The following KLF12 variants were observed in gnomAD, a reference collection of about 807,000 sequenced individuals.
The protein encoded by KLF12 is KLF transcription factor 12, also known as Krueppel-like factor 12.
A neutral mutation model predicts 37.8 loss-of-function variants in KLF12; 9 were observed. The ratio of observed to expected loss-of-function variants is 0.24; its 90% CI spans 0.14 to 0.42. The LOEUF (loss-of-function observed/expected upper bound fraction) is 0.42, where lower values mean the gene tolerates loss of function less well. KLF12 is among the 10% of genes least tolerant of loss of function. The probability of loss-of-function intolerance (pLI) is 1.00; values close to 1 mark genes in which losing one functional copy is unlikely to be tolerated. For missense variants in KLF12, 411 were observed against 516.0 expected (o/e 0.80, Z 1.97); for synonymous variants, 208 against 202.1 (o/e 1.03, Z -0.25).
rs190313240 is a variant in KLF12, at chr13:74,114,450, A to G, written c.-32+19289T>C. On this transcript the variant is annotated intron_variant, in intron 1 of 7. Coordinates refer to ENST00000377669, the MANE Select transcript of KLF12 (RefSeq NM_007249.5). ...TTCTAGTGACTTGCTTTATTGAGATATTTGCTTTATTGTAGTGGTCTAGAA... is the reference window on the plus strand; with the variant it reads ...TTCTAGTGACTTGCTTTATTGAGATGTTTGCTTTATTGTAGTGGTCTAGAA... 2.0e-5 allele frequency among the ~76,000 whole-genome samples: 3 copies of G among 152,222 alleles called. No homozygotes were observed. The East Asian group carries it at 5.8e-4, about 29-fold the overall frequency.
At chr13:73,956,914 C>T (rs1394747887) in intron 2 of KLF12, among the ~76,000 whole-genome samples, 1 of 148,782 alleles carries the variant, frequency 6.7e-6, no homozygotes, top group Non-Finnish European at 1.5e-5. Context: ...AGAGTAAGGC[C>T]CTGTGAAAGA....
At chr13:74,098,093 CATT>C (rs1262336005) in intron 1 of KLF12, among the ~76,000 whole-genome samples, 8 of 152,108 alleles carry the variant, frequency 5.3e-5, no homozygotes, top group Non-Finnish European at 1.2e-4. Flanking sequence ...CCTTCTGTAT[CATT>C]AACCTTCTCA....
chr13:74,022,530 T>TCTGCCACATGGCATTTTTCAAATTTTGG (rs1892866974), intron 1 of KLF12, among the ~76,000 whole-genome samples: 1 of 152,226 alleles, frequency 6.6e-6, no homozygotes. Context: ...TCAAATTTTT[T>TCTGCCACATGGCATTTTTCAAATTTTGG]CCTCTCACTG....
At chr13:74,285,093 A>G in the KLF12 span, among the ~76,000 whole-genome samples, 1 of 152,126 alleles carries the variant, frequency 6.6e-6, no homozygotes, top group Admixed American at 6.5e-5. Flanking sequence ...CATAGGGCAC[A>G]TGGTTTTTCT....
intron 1 of KLF12, among the ~76,000 whole-genome samples, chr13:74,105,189 C>T (rs1050905341): frequency 1.3e-5 from 2 of 152,034 alleles, no homozygotes; most frequent in Non-Finnish European, 2.9e-5. Context: ...GCAGACATGA[C>T]GGTCTATAAG....
chr13:73,850,563 C>T (rs1030839479), intron 3 of KLF12, among the ~76,000 whole-genome samples: 4 of 152,178 alleles, frequency 2.6e-5, no homozygotes, highest in Non-Finnish European at 5.9e-5. Flanking sequence ...TGTCCGGATA[C>T]TACTCTATCT....
intron 6 of KLF12, among the ~76,000 whole-genome samples, chr13:73,738,321 T>C (rs1877683037): frequency 6.6e-6 from 1 of 150,848 alleles, no homozygotes. Context: ...ATTTTTTTTT[T>C]TTTTGTATTT....
rs377374583 is a variant in KLF12, at chr13:73,989,508, C to T, written c.33+5482G>A. Among the ~76,000 whole-genome samples the T allele has an allele frequency of 4.6e-4, 70 of 152,292 alleles. 1 individual carries two copies. The highest frequency in any genetic ancestry group is 1.6e-3 in the African/African-American group (66 of 41,570). ...GCTCCCTCATGAAGGGGTTCATGCGCTCCCTCATGACGTGGCAGAAGGAAG... is the reference window on the plus strand; with the variant it reads ...GCTCCCTCATGAAGGGGTTCATGCGTTCCCTCATGACGTGGCAGAAGGAAG... On this transcript the variant is annotated intron_variant, in intron 2 of 7. Coordinates refer to ENST00000377669, the MANE Select transcript of KLF12 (RefSeq NM_007249.5).
At chr13:74,150,047 A>G in the KLF12 span, among the ~76,000 whole-genome samples, 3 of 152,160 alleles carry the variant, frequency 2.0e-5, no homozygotes, top group African/African-American at 7.2e-5. Context: ...CTCTCTGTAC[A>G]TTAACATGAG....
chr13:73,888,398 T>C (rs1041343480), intron 3 of KLF12, among the ~76,000 whole-genome samples: 2 of 152,246 alleles, frequency 1.3e-5, no homozygotes, highest in Non-Finnish European at 2.9e-5. Context: ...AGCTAAGTCA[T>C]TAAGACTGTG....
At chr13:73,910,305 T>C (rs984863441) in intron 3 of KLF12, among the ~76,000 whole-genome samples, 7 of 152,178 alleles carry the variant, frequency 4.6e-5, no homozygotes, top group African/African-American at 1.2e-4. Context: ...TAATATTTGA[T>C]AGAACTAAAA....
intron 5 of KLF12, among the ~76,000 whole-genome samples, chr13:73,772,264 C>G (rs1880317981): frequency 6.6e-6 from 1 of 152,168 alleles, no homozygotes; most frequent in Admixed American, 6.5e-5. Context: ...TAAGTGTGTT[C>G]CAGGCTCCTA....
At chr13:73,976,774 A>T (rs577681853) in intron 2 of KLF12, among the ~76,000 whole-genome samples, 11 of 152,304 alleles carry the variant, frequency 7.2e-5, no homozygotes, top group African/African-American at 2.6e-4. Context: ...GAGGATCACT[A>T]AGCAATGAGA....
chr13:74,069,139 T>A (rs1450517372), intron 1 of KLF12, among the ~76,000 whole-genome samples: 1 of 152,186 alleles, frequency 6.6e-6, no homozygotes, highest in East Asian at 1.9e-4. Context: ...AGGTGACCCC[T>A]GAATTACACA....
chr13:74,108,319 C>G (rs888948086), intron 1 of KLF12, among the ~76,000 whole-genome samples: 2 of 152,000 alleles, frequency 1.3e-5, no homozygotes, highest in African/African-American at 4.8e-5. Flanking sequence ...CCACTTCATT[C>G]TCACTCCAAT....
the KLF12 span, among the ~76,000 whole-genome samples, chr13:74,240,199 A>T: frequency 6.6e-6 from 1 of 151,314 alleles, no homozygotes; most frequent in Non-Finnish European, 1.5e-5. Flanking sequence ...TCCTTCACTT[A>T]TGAAGCTTAG....
chr13:74,133,437 TTGA>T (rs1247788494), intron 1 of KLF12, among the ~76,000 whole-genome samples: 4 of 151,108 alleles, frequency 2.6e-5, no homozygotes, highest in Non-Finnish European at 5.9e-5. Flanking sequence ...TTCACGTTAC[TTGA>T]TAACTTCTTC....
intron 3 of KLF12, among the ~76,000 whole-genome samples, chr13:73,896,438 A>G (rs1159343809): frequency 2.6e-5 from 4 of 152,184 alleles, no homozygotes; most frequent in Non-Finnish European, 1.5e-5. Flanking sequence ...ACGCATTCTG[A>G]GGATGATGGA....
the KLF12 span, among the ~76,000 whole-genome samples, chr13:74,219,078 T>A: frequency 6.6e-6 from 1 of 151,396 alleles, no homozygotes; most frequent in Non-Finnish European, 1.5e-5. Flanking sequence ...TGCCTCAGCC[T>A]CCCAAGTAGC....
Sources: gnomAD v4.1 joint callset for allele counts (sites outside exome capture counted in the v4.1 genomes callset) on GRCh38, gnomAD v4.1.1 for gene constraint, MANE v1.5 for transcripts, NCBI Gene and HGNC (gene_info 2026-07-23, HGNC 2026-07-21) for gene names.